ATG16L1: variants seen among roughly 807,000 people sequenced by gnomAD.
ATG16L1 encodes the protein autophagy related 16 like 1.
In ATG16L1, 37 loss-of-function variants were observed where a neutral mutation model predicts 88.5. The observed-to-expected ratio is 0.42, with a 90% CI of 0.32 to 0.55. The LOEUF is 0.55. Among genes scored for constraint, ATG16L1 ranks in the 20% least tolerant of loss-of-function variants. ATG16L1 has a pLI of 0.13. For synonymous variants in ATG16L1, 301 were observed against 281.0 expected, an observed-to-expected ratio of 1.07 and a Z score of -0.71; for missense variants, 554 against 752.8, an observed-to-expected ratio of 0.74 and a Z score of 3.09.
At chr2:233,272,263 C>T (rs73998325) in intron 6 of ATG16L1, among the ~76,000 whole-genome samples, 2,853 of 152,230 alleles carry the variant, frequency 0.019, 93 homozygotes, top group African/African-American at 0.064. Flanking sequence ...ACTTTGCATC[C>T]GCTGGGATAA....
intron 12 of ATG16L1, among the ~76,000 whole-genome samples, chr2:233,284,706 G>A (rs1421979225): frequency 1.3e-5 from 2 of 151,854 alleles, no homozygotes; most frequent in Non-Finnish European, 2.9e-5. Flanking sequence ...CTGACCTCAA[G>A]TGATCCGTCT....
At position 233,274,399 on chromosome 2, in the gene ATG16L1, G is replaced by A. The variant is rs946495995; in HGVS notation, c.852-277G>A. ...AGTTTCCCAGCAGCTTATTGACTGG[G>A]TAAGCAGTTGTTCAGGATTGCTTTT... On this transcript the variant is annotated intron_variant, in intron 8 of 17. Transcript: ENST00000392017. The A allele has an allele frequency of 8.3e-5, 36 of 431,770 alleles. No homozygotes were observed. In the Admixed American group the frequency reaches 1.3e-3, roughly 16 times the overall value. 26.7% of individuals were successfully genotyped at this position (431,770 alleles called of 1,614,324 possible). A position where few individuals can be genotyped will look rare whatever the true frequency, so the allele number is the denominator to read the frequency against.
chr2:233,251,731 C>T lies in ATG16L1; in HGVS notation c.-97C>T, dbSNP rs1048382574. 8 of 1,126,904 alleles carry T rather than the reference C, an allele frequency of 7.1e-6. No individual in the cohort carries two copies. Among genetic ancestry groups the T allele is most frequent in the African/African-American group, 3.1e-5 (2 of 63,866 alleles). 69.8% of individuals were successfully genotyped at this position (1,126,904 alleles called of 1,614,324 possible). ...GTGTGGAGGTGAGCTCCGGGATTGC[C>T]GGCATTCCCGCTTCTGCTGGTTGCT... On this transcript the variant is annotated 5_prime_UTR_variant, in exon 1 of 18. Coordinates refer to ENST00000392017, the MANE Select transcript of ATG16L1 (RefSeq NM_030803.7).
chr2:233,251,691 T>C lies in ATG16L1; in HGVS notation c.-137T>C. 2 of 748,002 alleles carry C rather than the reference T, an allele frequency of 2.7e-6. No homozygotes were observed. Among genetic ancestry groups the C allele is most frequent in the Non-Finnish European group, 4.5e-6 (2 of 448,326 alleles). 46.3% of individuals were successfully genotyped at this position (748,002 alleles called of 1,614,324 possible). On this transcript the variant is annotated 5_prime_UTR_variant, in exon 1 of 18. Transcript: ENST00000392017. ...AGCCGGAAGACCGTCCCGGATGGCCTCGGGGACTGCCAGTGTGTGGAGGTG... is the reference window on the plus strand; with the variant it reads ...AGCCGGAAGACCGTCCCGGATGGCCCCGGGGACTGCCAGTGTGTGGAGGTG...
chr2:233,257,411 G>C (rs967524162), intron 2 of ATG16L1, among the ~76,000 whole-genome samples: 3 of 152,176 alleles, frequency 2.0e-5, no homozygotes, highest in African/African-American at 7.2e-5. Context: ...CATCCAACCA[G>C]TCTGTTTTTC....
chr2:233,293,278 G>A lies in ATG16L1; in HGVS notation c.1651G>A (p.Ala551Thr). The change falls in exon 17 of 18, where the codon GCA (alanine) becomes ACA (threonine). Residue 551 changes from alanine (A) to threonine (T), a missense_variant. This residue lies in a region of ATG16L1 where 370 missense variants were observed against 509.7 expected (regional missense o/e 0.73). Transcript: ENST00000392017. The stretch of plus-strand genomic sequence containing the variant: ...TAGCCCTGATGGCAGTTACGTGGCG[G>A]CAGGCTCTGCTGAGGGCTCTCTGTA... ...VFSPDGSYVA[A>T]GSAEGSLYIW... The A allele has an allele frequency of 6.2e-7, 1 of 1,614,170 alleles. No individual in the cohort carries two copies. Among genetic ancestry groups the A allele is most frequent in the African/African-American group, 1.3e-5 (1 of 75,068 alleles).
chr2:233,292,550 G>A (rs1347792508), intron 16 of ATG16L1, 116 bp downstream of exon 16: 1 of 1,276,520 alleles, frequency 7.8e-7, no homozygotes, highest in Non-Finnish European at 1.1e-6. Context: ...ATGTTTCCAG[G>A]AGTGTGCCTG....
chr2:233,280,138 C>A (rs746019423), intron 10 of ATG16L1, among the ~76,000 whole-genome samples: 20 of 152,196 alleles, frequency 1.3e-4, no homozygotes, highest in Non-Finnish European at 2.2e-4. Flanking sequence ...TACATGACAG[C>A]TTCAAACCAG....
At position 233,251,690 on chromosome 2, in the gene ATG16L1, C is replaced by G. The variant is rs183281101; in HGVS notation, c.-138C>G. On this transcript the variant is annotated 5_prime_UTR_variant, in exon 1 of 18. Coordinates refer to ENST00000392017, the MANE Select transcript of ATG16L1 (RefSeq NM_030803.7). ...GAGCCGGAAGACCGTCCCGGATGGCCTCGGGGACTGCCAGTGTGTGGAGGT... is the reference window on the plus strand; with the variant it reads ...GAGCCGGAAGACCGTCCCGGATGGCGTCGGGGACTGCCAGTGTGTGGAGGT... 1.0e-3 allele frequency: 752 copies of G among 743,188 alleles called. 3 individuals are homozygous for G. In the African/African-American group the frequency reaches 0.012, roughly 12 times the overall value. The allele number at this position is 743,188 out of a possible 1,614,324, so 46.0% of individuals were successfully genotyped here. A position where few individuals can be genotyped will look rare whatever the true frequency, so the allele number is the denominator to read the frequency against.
chr2:233,288,484 T>C (rs1181292011), intron 12 of ATG16L1, among the ~76,000 whole-genome samples: 1 of 152,102 alleles, frequency 6.6e-6, no homozygotes, highest in African/African-American at 2.4e-5. Context: ...GTCTCACTAA[T>C]TTCCCCAGGC....
intron 2 of ATG16L1, among the ~76,000 whole-genome samples, chr2:233,258,504 A>ATT (rs1696973002): frequency 6.6e-6 from 1 of 152,196 alleles, no homozygotes; most frequent in Non-Finnish European, 1.5e-5. Context: ...AGTACTTAAG[A>ATT]TATTAGTTTT....
chr2:233,278,596 T>G lies in ATG16L1; in HGVS notation c.1060+923T>G, dbSNP rs191945596. On this transcript the variant is annotated intron_variant, in intron 10 of 17. Transcript: ENST00000392017. ...GTGATTTACATGGCTAGTGAATGAT[T>G]TCTGTGGTGAGGGAGTGGTGGAACT... Among the ~76,000 whole-genome samples, 528 of 152,276 alleles carry G rather than the reference T, an allele frequency of 3.5e-3. 1 individual carries two copies. The highest frequency in any genetic ancestry group is 6.8e-3 in the Middle Eastern group (2 of 294).
chr2:233,269,624 G>T (rs1427484342), intron 5 of ATG16L1, among the ~76,000 whole-genome samples: 2 of 152,190 alleles, frequency 1.3e-5, no homozygotes, highest in Non-Finnish European at 2.9e-5. Context: ...TCGAGTAATG[G>T]ATGCTCAACC....
At chr2:233,258,106 C>T (rs534181978) in intron 2 of ATG16L1, among the ~76,000 whole-genome samples, 13 of 151,426 alleles carry the variant, frequency 8.6e-5, no homozygotes, top group African/African-American at 2.4e-4. Context: ...TTGTTCATGG[C>T]GGGGTATTTG....
chr2:233,290,392 T>A (rs1306480470), intron 14 of ATG16L1, 39 bp downstream of exon 14: 2 of 1,464,946 alleles, frequency 1.4e-6, no homozygotes, highest in Non-Finnish European at 1.9e-6. Context: ...CACATAAGAG[T>A]CTCCACAGTA....
intron 1 of ATG16L1, among the ~76,000 whole-genome samples, chr2:233,253,804 A>C (rs1696586441): frequency 6.6e-6 from 1 of 152,254 alleles, no homozygotes; most frequent in Non-Finnish European, 1.5e-5. Flanking sequence ...CCTGAAGAAC[A>C]GTGCTGTTTC....
chr2:233,293,421 G>A (rs983620938), intron 17 of ATG16L1, 64 bp downstream of exon 17: 219 of 1,450,698 alleles, frequency 1.5e-4, no homozygotes, highest in Non-Finnish European at 4.0e-5. Context: ...TTCATCTCAG[G>A]GGTCATCCGG....
intron 12 of ATG16L1, among the ~76,000 whole-genome samples, chr2:233,287,565 T>C (rs1434243859): frequency 6.6e-6 from 1 of 152,230 alleles, no homozygotes; most frequent in East Asian, 1.9e-4. Flanking sequence ...TTTGAAATTT[T>C]GATAAAATAG....
Position 233,273,034 on chromosome 2 carries a change from C to T in ATG16L1, c.776C>T (p.Ala259Val). 1.2e-6 allele frequency: 2 copies of T among 1,613,982 alleles called. No individual in the cohort carries two copies. Among genetic ancestry groups the T allele is most frequent in the African/African-American group, 2.7e-5 (2 of 75,014 alleles). ...DHTEETSPVRAISRAATKRLS... is the reference protein window; with the variant it reads ...DHTEETSPVRVISRAATKRLS... ...ACAGAAGAGACCTCTCCTGTGCGAG[C>T]CATCAGCAGAGCAGCCACGTAAGTA... The change falls in exon 7 of 18, where the codon GCC (alanine) becomes GTC (valine). Residue 259 changes from alanine (A) to valine (V), a missense_variant. Around this residue, in one of 5 missense-constraint regions of ATG16L1, gnomAD observed 370 missense variants for 509.7 expected, o/e 0.73. Transcript: ENST00000392017.
Sources: allele counts gnomAD v4.1 joint callset (sites outside exome capture counted in the v4.1 genomes callset), GRCh38; gene constraint gnomAD v4.1.1; regional missense constraint gnomAD v4.1.1; transcripts MANE v1.5; gene names NCBI Gene and HGNC (gene_info 2026-07-23, HGNC 2026-07-21).